Variants in NRBF2 observed in about 807,000 individuals in gnomAD.
NRBF2 encodes nuclear receptor binding factor 2.
In NRBF2, 12 loss-of-function variants were observed where a neutral mutation model predicts 28.5. That is an observed-to-expected ratio of 0.42 (90% CI 0.27 to 0.68). The LOEUF is 0.68. Ranked by LOEUF, NRBF2 falls within the 30% of genes least tolerant of loss-of-function variation. The probability of loss-of-function intolerance (pLI) is 0.24; values close to 1 mark genes in which losing one functional copy is unlikely to be tolerated. For missense variants in NRBF2, 274 were observed against 333.5 expected (o/e 0.82, Z 1.39); for synonymous variants, 102 against 116.5 (o/e 0.88, Z 0.80).
chr10:63,145,367 C>G (rs1352843589), intron 1 of NRBF2, among the ~76,000 whole-genome samples: 2 of 152,118 alleles, frequency 1.3e-5, no homozygotes, highest in Admixed American at 1.3e-4. Context: ...AGCCACTGCG[C>G]CCAGCTAATT....
intron 1 of NRBF2, among the ~76,000 whole-genome samples, chr10:63,140,804 G>A (rs1014115458): frequency 5.3e-4 from 80 of 151,756 alleles, no homozygotes; most frequent in Non-Finnish European, 8.0e-4. Context: ...AGGTTCAAGC[G>A]ATTCTCCTGC....
chr10:63,138,616 C>T (rs939092321), intron 1 of NRBF2, among the ~76,000 whole-genome samples: 2 of 149,638 alleles, frequency 1.3e-5, no homozygotes, highest in African/African-American at 2.5e-5. Context: ...CAGTGGCGGG[C>T]GCCTGTAGTC....
intron 1 of NRBF2, among the ~76,000 whole-genome samples, chr10:63,142,303 TTTTTTTTG>T (rs1841484186): frequency 1.6e-5 from 2 of 121,416 alleles, no homozygotes; most frequent in East Asian, 2.1e-4. Context: ...GTTTTTTTTG[TTTTTTTTG>T]TTTTTTTTTG....
rs765677980 is a variant in NRBF2 at position 63,146,237 on chromosome 10, G to A, written c.59G>A (p.Arg20His). ...LAHQQSRRAD[R>H]LLAAGKYEEA... ...CATCAACAGAGCAGACGAGCAGACC[G>A]TTTATTAGCTGCAGGCAAATACGAA... Residue 20 changes from arginine (R) to histidine (H), a missense_variant, in exon 2 of 4, where the codon CGT (arginine) becomes CAT (histidine). Arg to His is a conservative substitution (Grantham distance 29). Coordinates refer to ENST00000277746, the MANE Select transcript of NRBF2 (RefSeq NM_030759.5). 2.5e-5 allele frequency: 41 copies of A among 1,612,060 alleles called. No individual in the cohort carries two copies. Among genetic ancestry groups the A allele is most frequent in the South Asian group, 2.5e-4 (23 of 90,950 alleles).
intron 1 of NRBF2, among the ~76,000 whole-genome samples, chr10:63,141,492 A>G (rs1248560555): frequency 2.6e-5 from 4 of 152,140 alleles, no homozygotes; most frequent in Non-Finnish European, 5.9e-5. Flanking sequence ...ACCCAACTAT[A>G]TTGTCAACTT....
intron 1 of NRBF2, 49 bp from the exon 2 acceptor site, chr10:63,146,160 C>T: frequency 2.8e-6 from 4 of 1,444,968 alleles, no homozygotes; most frequent in Non-Finnish European, 3.9e-6. Flanking sequence ...TGAAAGAAAT[C>T]ATGTTTTATT....
intron 1 of NRBF2, 65 bp downstream of exon 1, chr10:63,133,565 C>A: frequency 7.9e-7 from 1 of 1,258,588 alleles, no homozygotes; most frequent in Non-Finnish European, 1.2e-6. Context: ...CGGCCCCGTC[C>A]CCGGCGCGTC....
intron 1 of NRBF2, among the ~76,000 whole-genome samples, chr10:63,143,898 A>G (rs1175721501): frequency 6.6e-6 from 1 of 151,510 alleles, no homozygotes; most frequent in Non-Finnish European, 1.5e-5. Flanking sequence ...GACTACTACT[A>G]CAGGTGCGAG....
intron 1 of NRBF2, among the ~76,000 whole-genome samples, chr10:63,135,082 G>A (rs1841354622): frequency 6.6e-6 from 1 of 152,216 alleles, no homozygotes; most frequent in African/African-American, 2.4e-5. Context: ...AGCTACTCGG[G>A]AGGCTGAGGT....
intron 1 of NRBF2, among the ~76,000 whole-genome samples, chr10:63,144,630 A>G (rs948095694): frequency 6.6e-6 from 1 of 151,866 alleles, no homozygotes; most frequent in Non-Finnish European, 1.5e-5. Context: ...GTTAGCCAAG[A>G]TGGTCTCGAT....
In NRBF2 at chr10:63,133,409, C is replaced by G. The variant is rs761749724; in HGVS notation, c.-62C>G. On this transcript the variant is annotated 5_prime_UTR_variant, in exon 1 of 4. Transcript: ENST00000277746. ...CGGCTGCGTCGAGCTCCCTTGCAGT[C>G]CCCTCCATGTTCCCCGGCGCCACTA... The G allele has an allele frequency of 1.1e-5, 18 of 1,602,014 alleles. No individual in the cohort carries two copies. Among genetic ancestry groups the G allele is most frequent in the Admixed American group, 1.7e-5 (1 of 59,108 alleles).
Position 63,133,337 on chromosome 10 carries a change from G to T in NRBF2, c.-134G>T, listed in dbSNP as rs1013208496. On this transcript the variant is annotated 5_prime_UTR_variant, in exon 1 of 4. Transcript: ENST00000277746. Reference sequence around the variant, plus strand: ...AAGTGGTGAGGTTGTTGCTCCTTCAGCGCCTATCGCTGGCTCTTGGGGCGC... The same window carrying T: ...AAGTGGTGAGGTTGTTGCTCCTTCATCGCCTATCGCTGGCTCTTGGGGCGC... 8 of 1,047,846 alleles carry T rather than the reference G, an allele frequency of 7.6e-6. No individual in the cohort carries two copies. The highest frequency in any genetic ancestry group is 2.7e-5 in the East Asian group (1 of 36,868). The allele number at this position is 1,047,846 out of a possible 1,614,324, so 64.9% of individuals were successfully genotyped here.
intron 2 of NRBF2, among the ~76,000 whole-genome samples, chr10:63,148,269 A>G (rs1427726957): frequency 6.6e-6 from 1 of 152,240 alleles, no homozygotes; most frequent in Non-Finnish European, 1.5e-5. Context: ...GTTAGATCAC[A>G]TTAGCTTAAA....
Position 63,154,397 on chromosome 10 carries a change from G to A in NRBF2, c.*179G>A, listed in dbSNP as rs377413908. The A allele has an allele frequency of 2.3e-4, 122 of 534,810 alleles. No individual in the cohort carries two copies. Among genetic ancestry groups the A allele is most frequent in the African/African-American group, 1.8e-3 (92 of 52,104 alleles). 33.1% of individuals were successfully genotyped at this position (534,810 alleles called of 1,614,324 possible). A position where few individuals can be genotyped will look rare whatever the true frequency, so the allele number is the denominator to read the frequency against. On this transcript the variant is annotated 3_prime_UTR_variant, in exon 4 of 4. Coordinates refer to ENST00000277746, the MANE Select transcript of NRBF2 (RefSeq NM_030759.5). ...AAACAGTCACTGTGAAATGCGCTGC[G>A]TATCTCATTCACTCACTTCAGCTAA...
chr10:63,148,404 G>A (rs115704568), intron 2 of NRBF2, among the ~76,000 whole-genome samples: 1 of 152,180 alleles, frequency 6.6e-6, no homozygotes, highest in Non-Finnish European at 1.5e-5. Flanking sequence ...AAATTGACTT[G>A]CATCTCTAGG....
rs561028159 is a variant in NRBF2 at position 63,139,523 on chromosome 10, A to G, written c.30+6023A>G. On this transcript the variant is annotated intron_variant, in intron 1 of 3. Coordinates refer to ENST00000277746, the MANE Select transcript of NRBF2 (RefSeq NM_030759.5). ...TGTAGTTAGGATTTTTGTTGGTTGT[A>G]GTTGATGAAAACCCACTTGAAATTA... 2.0e-5 allele frequency among the ~76,000 whole-genome samples: 3 copies of G among 152,330 alleles called. No homozygotes were observed. The South Asian group carries it at 6.2e-4, about 32-fold the overall frequency.
intron 2 of NRBF2, among the ~76,000 whole-genome samples, chr10:63,150,602 A>G (rs1038734132): frequency 2.0e-5 from 3 of 152,028 alleles, no homozygotes; most frequent in African/African-American, 7.2e-5. Flanking sequence ...GCTGCCAGGG[A>G]CTGGTTTTGT....
Position 63,153,670 on chromosome 10 carries a change from G to A in NRBF2, c.316G>A (p.Ala106Thr), listed in dbSNP as rs780706458. 1 of 1,611,952 alleles carries A rather than the reference G, an allele frequency of 6.2e-7. No individual in the cohort carries two copies. The highest frequency in any genetic ancestry group is 1.7e-5 in the Admixed American group (1 of 59,986). ...AHLQTSHKPS[A>T]EDAEGQSPLS... ...TCTTCAGACATCTCACAAACCCTCT[G>A]CAGAGGATGCAGAGGGCCAGAGTCC... The change falls in exon 4 of 4, where the codon GCA becomes ACA. Residue 106 changes from alanine (A) to threonine (T), a missense_variant. Coordinates refer to ENST00000277746, the MANE Select transcript of NRBF2 (RefSeq NM_030759.5).
chr10:63,138,874 G>A (rs530008731), intron 1 of NRBF2, among the ~76,000 whole-genome samples: 2 of 152,324 alleles, frequency 1.3e-5, no homozygotes, highest in Admixed American at 1.3e-4. Context: ...TTGTTTGTAG[G>A]AGACGCACAT....
Sources: gnomAD v4.1 joint callset for allele counts (sites outside exome capture counted in the v4.1 genomes callset) on GRCh38, gnomAD v4.1.1 for gene constraint, MANE v1.5 for transcripts, NCBI Gene and HGNC (gene_info 2026-07-23, HGNC 2026-07-21) for gene names.